CNTN4: variants seen among roughly 807,000 people sequenced by gnomAD.
CNTN4 encodes contactin 4.
A neutral mutation model predicts 122.5 loss-of-function variants in CNTN4; 77 were observed. That is an observed-to-expected ratio of 0.63 (90% confidence interval 0.52 to 0.76). CNTN4 has a LOEUF of 0.76. Ranked by LOEUF, CNTN4 falls within the 30% of genes least tolerant of loss-of-function variation. The probability of loss-of-function intolerance (pLI) is 0.00; values close to 1 mark genes in which losing one functional copy is unlikely to be tolerated. For synonymous variants in CNTN4, 512 were observed against 447.0 expected (o/e 1.15, Z -1.83); for missense variants, 1,256 against 1,259.1 (o/e 1.00, Z 0.04).
intron 3 of CNTN4, among the ~76,000 whole-genome samples, chr3:2,364,914 G>A (rs1276114978): frequency 6.6e-6 from 1 of 152,086 alleles, no homozygotes; most frequent in Admixed American, 6.5e-5. Context: ...TAGTCCACAA[G>A]ATAATATTAA....
rs556548691 is a variant in CNTN4, at chr3:2,994,211, C to T, written c.1486+5739C>T. On this transcript the variant is annotated intron_variant, in intron 14 of 24. Coordinates refer to ENST00000418658, the MANE Select transcript of CNTN4 (RefSeq NM_175607.3). ...CCTCATAATTCTCAGACTGCATGTT[C>T]TTCCTCTAATAGCAATTTTTTTTTA... Among the ~76,000 whole-genome samples, 227 of 150,596 alleles carry T rather than the reference C, an allele frequency of 1.5e-3. 1 individual carries two copies. Among genetic ancestry groups the T allele is most frequent in the African/African-American group, 5.0e-3 (206 of 40,932 alleles).
intron 7 of CNTN4, among the ~76,000 whole-genome samples, chr3:2,839,344 A>G (rs937325481): frequency 6.6e-6 from 1 of 152,124 alleles, no homozygotes; most frequent in Non-Finnish European, 1.5e-5. Context: ...AGATGCAGAT[A>G]AAAAGCGGGG....
chr3:2,998,313 C>T (rs1695718129), intron 14 of CNTN4, among the ~76,000 whole-genome samples: 1 of 152,202 alleles, frequency 6.6e-6, no homozygotes, highest in Admixed American at 6.5e-5. Flanking sequence ...TGTCTCCTCC[C>T]TGTAGGCCAT....
At chr3:2,820,459 A>G (rs149169601) in intron 7 of CNTN4, among the ~76,000 whole-genome samples, 41 of 152,278 alleles carry the variant, frequency 2.7e-4, no homozygotes, top group Non-Finnish European at 3.8e-4. Flanking sequence ...AAACGCTGTC[A>G]TTTAGGGTTT....
At chr3:2,569,747 G>A (rs1402401340) in intron 3 of CNTN4, among the ~76,000 whole-genome samples, 1 of 151,920 alleles carries the variant, frequency 6.6e-6, no homozygotes, top group Non-Finnish European at 1.5e-5. Context: ...GAGATCTCCC[G>A]GTTCCATAAA....
chr3:2,221,372 C>G (rs1177729300), intron 2 of CNTN4, among the ~76,000 whole-genome samples: 1 of 151,770 alleles, frequency 6.6e-6, no homozygotes, highest in Non-Finnish European at 1.5e-5. Context: ...ATCTCAGATC[C>G]CCTACCTCAC....
intron 13 of CNTN4, among the ~76,000 whole-genome samples, chr3:2,961,867 G>C (rs1257870878): frequency 6.6e-6 from 1 of 152,202 alleles, no homozygotes; most frequent in African/African-American, 2.4e-5. Context: ...CTTCTAGAAA[G>C]TGTGTCTTAA....
In CNTN4 at chr3:2,896,931, G is replaced by GTTTT. The variant is rs58232281; in HGVS notation, c.941-3739_941-3736dup. Among the ~76,000 whole-genome samples the GTTTT allele has an allele frequency of 5.6e-3, 657 of 118,040 alleles. 6 individuals carry two copies. The highest frequency in any genetic ancestry group is 0.02 in the African/African-American group (625 of 32,046). The allele number at this position is 118,040 out of a possible 152,430, so 77.4% of individuals were successfully genotyped here. On this transcript the variant is annotated intron_variant, in intron 10 of 24. Coordinates refer to ENST00000418658, the MANE Select transcript of CNTN4 (RefSeq NM_175607.3). Reference sequence around the variant, plus strand: ...CATCTTTGTAATAGTAATTTAGAGGGTTTTTTTTTTTTTTTTTTGCTATCA... The same window carrying GTTTT: ...CATCTTTGTAATAGTAATTTAGAGGGTTTTTTTTTTTTTTTTTTTTTTGCTATCA...
intron 4 of CNTN4, among the ~76,000 whole-genome samples, chr3:2,606,111 T>A (rs1375882318): frequency 6.6e-6 from 1 of 152,042 alleles, no homozygotes; most frequent in Non-Finnish European, 1.5e-5. Flanking sequence ...GGGGAAGATA[T>A]GTCATTGCAG....
chr3:2,584,823 T>C (rs1255974645), intron 4 of CNTN4, among the ~76,000 whole-genome samples: 1 of 152,104 alleles, frequency 6.6e-6, no homozygotes, highest in African/African-American at 2.4e-5. Flanking sequence ...CTATTTTGTT[T>C]AATTATATTA....
chr3:2,896,738 A>G (rs1308236093), intron 10 of CNTN4, among the ~76,000 whole-genome samples: 1 of 152,180 alleles, frequency 6.6e-6, no homozygotes, highest in Non-Finnish European at 1.5e-5. Context: ...GGAAGCATCT[A>G]TGTATATAGG....
At chr3:2,172,625 A>G (rs1443217056) in intron 2 of CNTN4, among the ~76,000 whole-genome samples, 1 of 152,214 alleles carries the variant, frequency 6.6e-6, no homozygotes, top group Non-Finnish European at 1.5e-5. Context: ...GGTTAAGTAG[A>G]CTGACATTCT....
At chr3:2,815,045 A>G (rs978424812) in intron 6 of CNTN4, among the ~76,000 whole-genome samples, 2 of 152,200 alleles carry the variant, frequency 1.3e-5, no homozygotes, top group Non-Finnish European at 2.9e-5. Flanking sequence ...TGGAGATAAA[A>G]TGACTCTGGA....
At chr3:2,236,918 A>G (rs776260434) in intron 2 of CNTN4, among the ~76,000 whole-genome samples, 7 of 152,186 alleles carry the variant, frequency 4.6e-5, no homozygotes, top group Non-Finnish European at 1.0e-4. Flanking sequence ...GCCAGAAGAA[A>G]GGGTATGAAA....
At chr3:2,386,591 C>G (rs1480717288) in intron 3 of CNTN4, among the ~76,000 whole-genome samples, 2 of 151,992 alleles carry the variant, frequency 1.3e-5, no homozygotes, top group Non-Finnish European at 2.9e-5. Context: ...GTAAGAGAAG[C>G]AAATATCACA....
chr3:2,099,633 G>T (rs1037729376), intron 1 of CNTN4: 3 of 152,588 alleles, frequency 2.0e-5, no homozygotes, highest in African/African-American at 7.2e-5. Flanking sequence ...CAGGCCAGGT[G>T]CCTGCTCTTA....
At chr3:2,269,433 A>G (rs2041178930) in intron 2 of CNTN4, among the ~76,000 whole-genome samples, 1 of 152,122 alleles carries the variant, frequency 6.6e-6, no homozygotes, top group African/African-American at 2.4e-5. Flanking sequence ...AGAGCCTAAG[A>G]CATGCTGGGT....
rs554068837 is a variant in CNTN4, at chr3:2,545,811, C to T, written c.-88-25605C>T. The stretch of plus-strand genomic sequence containing the variant: ...GAAGACAGCATATCATTGGGTCTTG[C>T]TTTGTTATCCACCTTGCCACTCTGT... On this transcript the variant is annotated intron_variant, in intron 3 of 24. Transcript: ENST00000418658. Among the ~76,000 whole-genome samples the T allele has an allele frequency of 1.1e-4, 16 of 151,970 alleles. 1 individual carries two copies. Among genetic ancestry groups the T allele is most frequent in the African/African-American group, 3.9e-4 (16 of 41,472 alleles).
chr3:2,776,819 G>A (rs2091338904), intron 6 of CNTN4, among the ~76,000 whole-genome samples: 1 of 152,146 alleles, frequency 6.6e-6, no homozygotes, highest in Non-Finnish European at 1.5e-5. Context: ...AGTTACAAAT[G>A]TGGGCTAAAT....
Sources: allele counts gnomAD v4.1 joint callset (sites outside exome capture counted in the v4.1 genomes callset), GRCh38; gene constraint gnomAD v4.1.1; transcripts MANE v1.5; gene names NCBI Gene and HGNC (gene_info 2026-07-23, HGNC 2026-07-21).